Variants in MYO16 observed in about 807,000 individuals in gnomAD.
MYO16 encodes unconventional myosin-XVI.
A neutral mutation model predicts 205.3 loss-of-function variants in MYO16; 94 were observed. The observed-to-expected ratio is 0.46, with a 90% CI of 0.39 to 0.54. MYO16 has a LOEUF of 0.54. MYO16 is among the 20% of genes least tolerant of loss of function. The pLI, the probability that MYO16 is intolerant of heterozygous loss-of-function variation, is 0.00. For synonymous variants in MYO16, 988 were observed against 954.0 expected (o/e 1.04, Z -0.66); for missense variants, 2,315 against 2,387.5 (o/e 0.97, Z 0.63).
chr13:108,928,848 G>C (rs528718815), intron 16 of MYO16, among the ~76,000 whole-genome samples: 1 of 152,082 alleles, frequency 6.6e-6, no homozygotes, highest in Non-Finnish European at 1.5e-5. Flanking sequence ...TTTCAGACAC[G>C]TGCAGTACAG....
Position 109,125,459 on chromosome 13 carries a change from C to A in MYO16, c.3782+101C>A. 1 of 1,450,172 alleles carries A rather than the reference C, an allele frequency of 6.9e-7. No homozygotes were observed. The allele number at this position is 1,450,172 out of a possible 1,614,324, so 89.8% of individuals were successfully genotyped here. On this transcript the variant is annotated intron_variant, in intron 30 of 34. Coordinates refer to ENST00000457511, the MANE Select transcript of MYO16 (RefSeq NM_001198950.3). The surrounding 1 kb of genome is among the most constrained non-coding windows in gnomAD (Gnocchi z 4.0). The stretch of plus-strand genomic sequence containing the variant: ...TAATGCAGAGTTCAATCAAATATGA[C>A]AGGAGTTGCAGGAACAGGCATGCGT...
At chr13:108,941,950 TTTAA>T (rs1386042728) in intron 16 of MYO16, among the ~76,000 whole-genome samples, 2 of 152,224 alleles carry the variant, frequency 1.3e-5, no homozygotes, top group African/African-American at 4.8e-5. Context: ...TTTTGTTTTG[TTTAA>T]TTGACTTTGA....
At chr13:108,563,660 A>G in the MYO16 span, among the ~76,000 whole-genome samples, 2 of 152,174 alleles carry the variant, frequency 1.3e-5, no homozygotes, top group Non-Finnish European at 2.9e-5. Context: ...GTTGTTGCAA[A>G]TGACAGGATT....
At chr13:108,705,259 C>T (rs1159060854) in intron 2 of MYO16, among the ~76,000 whole-genome samples, 1 of 152,182 alleles carries the variant, frequency 6.6e-6, no homozygotes, top group Non-Finnish European at 1.5e-5. Context: ...TCATCAACAT[C>T]GTCTGCTCTT....
intron 2 of MYO16, among the ~76,000 whole-genome samples, chr13:108,709,172 T>A (rs1437938261): frequency 1.3e-5 from 2 of 152,210 alleles, no homozygotes; most frequent in Non-Finnish European, 1.5e-5. Flanking sequence ...CCTTGCCGAT[T>A]TTGTCATAAC....
intron 5 of MYO16, among the ~76,000 whole-genome samples, chr13:108,786,764 T>C (rs994334892): frequency 1.3e-5 from 2 of 152,200 alleles, no homozygotes; most frequent in Non-Finnish European, 2.9e-5. Flanking sequence ...AGCATTGCCG[T>C]GCTGCTCACA....
At chr13:109,158,928 C>T (rs573979972) in intron 32 of MYO16, among the ~76,000 whole-genome samples, 6 of 152,298 alleles carry the variant, frequency 3.9e-5, no homozygotes, top group African/African-American at 1.2e-4. Context: ...CACGTAACTA[C>T]GGGTCAACCC....
At chr13:108,500,010 C>T in the MYO16 span, among the ~76,000 whole-genome samples, 2 of 151,530 alleles carry the variant, frequency 1.3e-5, no homozygotes, top group Non-Finnish European at 2.9e-5. Context: ...CTCGCTTTGG[C>T]CCCTCTCTTC....
rs566977214 is a variant in MYO16 at position 108,790,125 on chromosome 13, A to C, written c.617-3391A>C. Among the ~76,000 whole-genome samples, 10 of 152,336 alleles carry C rather than the reference A, an allele frequency of 6.6e-5. No individual in the cohort carries two copies. In the South Asian group the frequency reaches 1.7e-3, roughly 25 times the overall value. ...AGAGAGGTGGCGCAGATCCTCCCAC[A>C]ACTCGGGAGAGCGCGCAGCTGTGCA... is the stretch of plus-strand genomic sequence containing the variant. On this transcript the variant is annotated intron_variant, in intron 5 of 34. Coordinates refer to ENST00000457511, the MANE Select transcript of MYO16 (RefSeq NM_001198950.3).
At chr13:109,089,760 A>T (rs1888560729) in intron 27 of MYO16, among the ~76,000 whole-genome samples, 1 of 152,192 alleles carries the variant, frequency 6.6e-6, no homozygotes, top group African/African-American at 2.4e-5. Context: ...GTCAGTGATG[A>T]TGTGGAATCG....
At position 109,140,172 on chromosome 13, in the gene MYO16, G is replaced by A. The variant is rs1328685081; in HGVS notation, c.4052-92G>A. ...GGTCCCTTGGGATTCTCGGGGCACG[G>A]GGCCGTGGCTCCCTCCGAGTCGAGC... On this transcript the variant is annotated intron_variant, in intron 31 of 34. Transcript: ENST00000457511. This position sits in a 1 kb window ranked among gnomAD's most constrained non-coding sequence, Gnocchi z 8.0. 1.3e-6 allele frequency: 2 copies of A among 1,532,706 alleles called. No homozygotes were observed. Among genetic ancestry groups the A allele is most frequent in the East Asian group, 2.4e-5 (1 of 41,654 alleles). The allele number at this position is 1,532,706 out of a possible 1,614,324, so 94.9% of individuals were successfully genotyped here.
At chr13:109,167,623 G>A (rs550446249) in intron 33 of MYO16, among the ~76,000 whole-genome samples, 6 of 152,258 alleles carry the variant, frequency 3.9e-5, no homozygotes, top group East Asian at 1.9e-4. Context: ...TCAATCCAAC[G>A]TTTGTAAAAA....
chr13:108,930,147 C>T (rs1013818041), intron 16 of MYO16, among the ~76,000 whole-genome samples: 1 of 152,038 alleles, frequency 6.6e-6, no homozygotes, highest in Admixed American at 6.5e-5. Context: ...TCTTACTTCA[C>T]CAAATAAGGG....
chr13:108,807,891 A>G (rs1887162805), intron 7 of MYO16, among the ~76,000 whole-genome samples: 1 of 152,208 alleles, frequency 6.6e-6, no homozygotes, highest in East Asian at 1.9e-4. Context: ...TTAATTTATC[A>G]TTATTTTCAC....
intron 4 of MYO16, among the ~76,000 whole-genome samples, chr13:108,732,133 G>A (rs192548633): frequency 1.3e-5 from 2 of 152,244 alleles, no homozygotes; most frequent in East Asian, 3.9e-4. Context: ...CAGATGAAAC[G>A]CTATTGTCCA....
intron 1 of MYO16, chr13:108,659,341 A>G (rs1465645645): frequency 4.9e-6 from 2 of 407,240 alleles, no homozygotes; most frequent in Non-Finnish European, 9.8e-6. Flanking sequence ...CACATACACA[A>G]ACACATCTAT....
intron 23 of MYO16, among the ~76,000 whole-genome samples, chr13:109,043,074 G>T (rs1246087369): frequency 6.6e-6 from 1 of 152,146 alleles, no homozygotes; most frequent in Non-Finnish European, 1.5e-5. Context: ...ACTTTCCAAA[G>T]AACATTATCT....
rs898118749 is a variant in MYO16, at chr13:108,727,485, A to G, written c.409A>G (p.Arg137Gly). ...CTTCATTGCAGAAATTCTGATTGACAGAGGAGTCAACGTCAACCACCAGGA... is the reference window on the plus strand; with the variant it reads ...CTTCATTGCAGAAATTCTGATTGACGGAGGAGTCAACGTCAACCACCAGGA... Reference protein sequence around the residue: ...NAFIAEILIDRGVNVNHQDED... With the variant: ...NAFIAEILIDGGVNVNHQDED... The change falls in exon 4 of 35, where the codon AGA (arginine) becomes GGA (glycine). Residue 137 changes from arginine to glycine, a missense_variant. Coordinates refer to ENST00000457511, the MANE Select transcript of MYO16 (RefSeq NM_001198950.3). 1.7e-5 allele frequency: 27 copies of G among 1,613,796 alleles called. No homozygotes were observed. Among genetic ancestry groups the G allele is most frequent in the Admixed American group, 3.3e-5 (2 of 59,992 alleles).
At chr13:108,635,659 C>T (rs999842233) in intron 1 of MYO16, among the ~76,000 whole-genome samples, 1 of 151,990 alleles carries the variant, frequency 6.6e-6, no homozygotes, top group African/African-American at 2.4e-5. Context: ...TGCCACCACA[C>T]TCGGCTAATT....
Sources: allele counts gnomAD v4.1 joint callset (sites outside exome capture counted in the v4.1 genomes callset), GRCh38; gene constraint gnomAD v4.1.1; non-coding constraint Gnocchi (gnomAD v3.1); transcripts MANE v1.5; gene names NCBI Gene and HGNC (gene_info 2026-07-23, HGNC 2026-07-21).